RPTOR: variants seen among roughly 807,000 people sequenced by gnomAD.
RPTOR encodes the protein regulatory-associated protein of mTOR.
Under a neutral mutation model 169.9 loss-of-function variants are expected in RPTOR, and 21 were observed. That is an observed-to-expected ratio of 0.12 (90% confidence interval 0.09 to 0.18). The LOEUF (loss-of-function observed/expected upper bound fraction) is 0.18. Among genes scored for constraint, RPTOR ranks in the 10% least tolerant of loss-of-function variants. The probability of loss-of-function intolerance (pLI) is 1.00; values close to 1 mark genes in which losing one functional copy is unlikely to be tolerated. For missense variants in RPTOR, 1,133 were observed against 1,855.9 expected (o/e 0.61, Z 7.16); for synonymous variants, 732 against 753.2 (o/e 0.97, Z 0.46).
Position 80,844,628 on chromosome 17 carries a change from C to A in RPTOR, c.1213-1845C>A, listed in dbSNP as rs2067705870. Among the ~76,000 whole-genome samples, 1 of 152,232 alleles carries A rather than the reference C, an allele frequency of 6.6e-6. No individual in the cohort carries two copies. Among genetic ancestry groups the A allele is most frequent in the South Asian group, 2.1e-4 (1 of 4,832 alleles). ...GTGTGATTAACTTTCTGTAAGCTGG[C>A]TGCACAGGAGCACGGATTCCTACGT... On this transcript the variant is annotated intron_variant, in intron 10 of 33. Transcript: ENST00000306801. The surrounding 1 kb of genome is among the most constrained non-coding windows in gnomAD (Gnocchi z 4.7).
Position 80,938,568 on chromosome 17 carries a change from C to T in RPTOR, c.2920-1928C>T, listed in dbSNP as rs560241482. On this transcript the variant is annotated intron_variant, in intron 24 of 33. Transcript: ENST00000306801. ...TCAAGTGAAACTGGTTGCTAAGAAT[C>T]CACAGTCTATCCCATTTGCCGTTGC... Among the ~76,000 whole-genome samples, 12 of 152,274 alleles carry T rather than the reference C, an allele frequency of 7.9e-5. No individual in the cohort carries two copies. In the East Asian group the frequency reaches 2.3e-3, roughly 29 times the overall value.
At chr17:80,952,591 G>A (rs1253221057) in intron 28 of RPTOR, among the ~76,000 whole-genome samples, 2 of 152,240 alleles carry the variant, frequency 1.3e-5, no homozygotes, top group African/African-American at 4.8e-5. Context: ...CCCTGAGACT[G>A]GTGCTTTGGA....
At chr17:80,913,479 G>A (rs887773292) in intron 21 of RPTOR, among the ~76,000 whole-genome samples, 17 of 150,910 alleles carry the variant, frequency 1.1e-4, no homozygotes, top group African/African-American at 4.2e-4. Flanking sequence ...TTGAGACAGG[G>A]TCTCACTCTA....
intron 21 of RPTOR, chr17:80,909,821 AT>A (rs1337348063): frequency 6.6e-6 from 1 of 152,136 alleles, no homozygotes; most frequent in Non-Finnish European, 1.5e-5. Context: ...TCCATTTTCC[AT>A]TTGATTGATT....
At chr17:80,778,164 ACT>A (rs1364565969) in intron 6 of RPTOR, among the ~76,000 whole-genome samples, 1 of 152,112 alleles carries the variant, frequency 6.6e-6, no homozygotes, top group Non-Finnish European at 1.5e-5. Context: ...ACACCGAGTC[ACT>A]CTTTCTGTGC....
At chr17:80,672,092 T>C (rs2065826123) in intron 3 of RPTOR, among the ~76,000 whole-genome samples, 1 of 152,206 alleles carries the variant, frequency 6.6e-6, no homozygotes, top group South Asian at 2.1e-4. Context: ...GCAGATACTA[T>C]ATTACGAAGT....
At chr17:80,811,618 A>C (rs1001863249) in intron 7 of RPTOR, among the ~76,000 whole-genome samples, 3 of 149,462 alleles carry the variant, frequency 2.0e-5, no homozygotes, top group African/African-American at 7.5e-5. Flanking sequence ...CACTGTACCC[A>C]CGGGACACAG....
rs2066156501 is a variant in RPTOR at position 80,708,288 on chromosome 17, G to A, written c.507+289G>A. Among the ~76,000 whole-genome samples the A allele has an allele frequency of 6.6e-6, 1 of 152,238 alleles. No individual in the cohort carries two copies. Among genetic ancestry groups the A allele is most frequent in the African/African-American group, 2.4e-5 (1 of 41,452 alleles). On this transcript the variant is annotated intron_variant, in intron 4 of 33. Coordinates refer to ENST00000306801, the MANE Select transcript of RPTOR (RefSeq NM_020761.3). The surrounding 1 kb of genome is among the most constrained non-coding windows in gnomAD (Gnocchi z 4.2). ...GTAATTCTCCGAGGACAGACCTCGAGAGTGTCTGCCTTCTAGTTTGAAAAA... is the reference window on the plus strand; with the variant it reads ...GTAATTCTCCGAGGACAGACCTCGAAAGTGTCTGCCTTCTAGTTTGAAAAA...
intron 7 of RPTOR, among the ~76,000 whole-genome samples, chr17:80,799,380 G>A (rs945327851): frequency 1.3e-5 from 2 of 152,216 alleles, no homozygotes; most frequent in Non-Finnish European, 2.9e-5. Flanking sequence ...ATGTGCAGAT[G>A]TCAGGGAGTC....
At chr17:80,773,861 C>A in intron 6 of RPTOR, 1 of 985,354 alleles carries the variant, frequency 1.0e-6, no homozygotes, top group Non-Finnish European at 1.2e-6. Context: ...TTCTGTTGTG[C>A]ATCAGAGCTC....
chr17:80,616,556 C>T (rs769397746), intron 1 of RPTOR, among the ~76,000 whole-genome samples: 2 of 152,146 alleles, frequency 1.3e-5, no homozygotes, highest in African/African-American at 2.4e-5. Flanking sequence ...TTCGGCCTCC[C>T]GACGTGCAGG....
Position 80,737,988 on chromosome 17 carries a change from G to A in RPTOR, c.654+7282G>A, listed in dbSNP as rs375396191. ...CGGCCATCCCCAAAGCCCCGCTGGGGAGAATGAAGCCACTGTGAGAGGTTA... is the reference window on the plus strand; with the variant it reads ...CGGCCATCCCCAAAGCCCCGCTGGGAAGAATGAAGCCACTGTGAGAGGTTA... On this transcript the variant is annotated intron_variant, in intron 5 of 33. Transcript: ENST00000306801. Among the ~76,000 whole-genome samples the A allele has an allele frequency of 9.3e-4, 139 of 149,702 alleles. 2 individuals are homozygous for A. The East Asian group carries it at 0.018, about 19-fold the overall frequency.
rs572842921 is a variant in RPTOR, at chr17:80,823,042, C to G, written c.992-37C>G. 5.0e-6 allele frequency: 8 copies of G among 1,597,106 alleles called. No homozygotes were observed. In the South Asian group the frequency reaches 7.9e-5, roughly 16 times the overall value. On this transcript the variant is annotated intron_variant, in intron 8 of 33. Coordinates refer to ENST00000306801, the MANE Select transcript of RPTOR (RefSeq NM_020761.3). This position sits in a 1 kb window ranked among gnomAD's most constrained non-coding sequence, Gnocchi z 4.5. The stretch of plus-strand genomic sequence containing the variant: ...TTGGCTTTAAATGCTAGACACAAGT[C>G]ACTGTAGACTCCTTTTTATCTTTTA...
At position 80,792,718 on chromosome 17, in the gene RPTOR, C is replaced by T. The variant is rs74001053; in HGVS notation, c.890+1209C>T. Among the ~76,000 whole-genome samples the T allele has an allele frequency of 7.2e-3, 1,098 of 152,182 alleles. 20 individuals are homozygous for T. The highest frequency in any genetic ancestry group is 0.025 in the African/African-American group (1,030 of 41,476). ...AAATGGGACTAGATGATCTGTGCTC[C>T]CCTCCCCTTCTGGTTGGTTTGGTTC... On this transcript the variant is annotated intron_variant, in intron 7 of 33. Transcript: ENST00000306801.
rs570690315 is a variant in RPTOR at position 80,646,621 on chromosome 17, C to T, written c.348+2811C>T. ...TTGAAACATTGCAAGGCTAAACACG[C>T]ACCACTTGATTGCACTCTACAGGGC... On this transcript the variant is annotated intron_variant, in intron 3 of 33. Transcript: ENST00000306801. The surrounding 1 kb of genome is among the most constrained non-coding windows in gnomAD (Gnocchi z 5.0). Among the ~76,000 whole-genome samples the T allele has an allele frequency of 6.6e-6, 1 of 152,274 alleles. No homozygotes were observed. The highest frequency in any genetic ancestry group is 1.9e-4 in the East Asian group (1 of 5,180).
rs2066512100 is a variant in RPTOR, at chr17:80,743,745, AGAGCC to A, written c.655-10264_655-10260del. 9.7e-3 allele frequency among the ~76,000 whole-genome samples: 1,331 copies of A among 137,704 alleles called. 11 individuals are homozygous for A. The highest frequency in any genetic ancestry group is 0.037 in the African/African-American group (1,270 of 34,096). 90.3% of individuals were successfully genotyped at this position (137,704 alleles called of 152,430 possible). A position where few individuals can be genotyped will look rare whatever the true frequency, so the allele number is the denominator to read the frequency against. ...TACGAGCACAGCCCTGGCTACTAGC[AGAGCC>A]CTGGCTACTAGCACTCTCCTGGTTA... On this transcript the variant is annotated intron_variant, in intron 5 of 33. Coordinates refer to ENST00000306801, the MANE Select transcript of RPTOR (RefSeq NM_020761.3).
intron 6 of RPTOR, chr17:80,774,302 T>G (rs2066872749): frequency 1.0e-6 from 1 of 985,360 alleles, no homozygotes; most frequent in East Asian, 1.1e-4. Flanking sequence ...GGAGAGTGCT[T>G]TGGAAGTGGA....
At chr17:80,590,693 G>T (rs1397619301) in intron 1 of RPTOR, among the ~76,000 whole-genome samples, 1 of 152,378 alleles carries the variant, frequency 6.6e-6, no homozygotes, top group South Asian at 2.1e-4. Flanking sequence ...GGTATAATCT[G>T]TCTACACTTT....
At chr17:80,554,708 C>A (rs2084385308) in intron 1 of RPTOR, among the ~76,000 whole-genome samples, 1 of 151,916 alleles carries the variant, frequency 6.6e-6, no homozygotes, top group South Asian at 2.1e-4. Flanking sequence ...TGCGCCACTG[C>A]ACTCCAGCCT....
Sources: allele counts gnomAD v4.1 joint callset (sites outside exome capture counted in the v4.1 genomes callset), GRCh38; gene constraint gnomAD v4.1.1; non-coding constraint Gnocchi (gnomAD v3.1); transcripts MANE v1.5; gene names NCBI Gene and HGNC (gene_info 2026-07-23, HGNC 2026-07-21).